Variants in CEP162 observed in about 807,000 individuals in gnomAD.
CEP162 encodes centrosomal protein of 162 kDa.
A neutral mutation model predicts 169.2 loss-of-function variants in CEP162; 141 were observed. The observed-to-expected ratio is 0.83, with a 90% CI of 0.73 to 0.96. The LOEUF is 0.96. Among genes scored for constraint, CEP162 ranks in the 40% least tolerant of loss-of-function variants. CEP162 has a pLI of 0.00. For missense variants in CEP162, 1,600 were observed against 1,587.2 expected, an observed-to-expected ratio of 1.01 and a Z score of -0.14; for synonymous variants, 540 against 526.4, an observed-to-expected ratio of 1.03 and a Z score of -0.35.
intron 8 of CEP162, 131 bp downstream of exon 8, chr6:84,201,606 A>C: frequency 1.7e-6 from 1 of 581,196 alleles, no homozygotes; most frequent in Non-Finnish European, 3.1e-6. Flanking sequence ...TATTGAGAAA[A>C]GCTAGGAACT....
At chr6:84,151,628 A>G (rs2099521153) in intron 23 of CEP162, among the ~76,000 whole-genome samples, 1 of 152,154 alleles carries the variant, frequency 6.6e-6, no homozygotes, top group Non-Finnish European at 1.5e-5. Context: ...ACAGAGAAAG[A>G]ACAGAGAATA....
intron 7 of CEP162, among the ~76,000 whole-genome samples, chr6:84,202,525 T>C (rs1179105270): frequency 1.6e-5 from 2 of 121,396 alleles, no homozygotes; most frequent in African/African-American, 6.2e-5. Context: ...TTTCTTTTTT[T>C]TTTTTTTTTT....
chr6:84,207,647 C>T (rs1380463013), intron 6 of CEP162, among the ~76,000 whole-genome samples: 1 of 151,874 alleles, frequency 6.6e-6, no homozygotes, highest in African/African-American at 2.4e-5. Flanking sequence ...AGCACACCAA[C>T]ATGGCACATG....
chr6:84,205,444 T>A (rs893676451), intron 6 of CEP162, among the ~76,000 whole-genome samples: 1 of 152,146 alleles, frequency 6.6e-6, no homozygotes, highest in Non-Finnish European at 1.5e-5. Flanking sequence ...TAATCCAGCA[T>A]ATAAACAGAG....
intron 16 of CEP162, among the ~76,000 whole-genome samples, chr6:84,172,480 T>C (rs1182470360): frequency 6.6e-6 from 1 of 152,230 alleles, no homozygotes; most frequent in East Asian, 1.9e-4. Context: ...ATGTCTGGAA[T>C]AGTGCCTGGC....
At chr6:84,170,239 T>G (rs934893885) in intron 17 of CEP162, among the ~76,000 whole-genome samples, 2 of 151,770 alleles carry the variant, frequency 1.3e-5, no homozygotes, top group African/African-American at 2.4e-5. Context: ...CCGGGCATGG[T>G]GGCGGGTGCC....
Position 84,169,382 on chromosome 6 carries a change from C to T in CEP162, c.2331G>A (p.Glu777=). The change falls in exon 18 of 27, where the codon GAG becomes GAA. Residue 777 remains glutamate (E), a synonymous_variant. Transcript: ENST00000403245. ...CTGTAAAATTCTGATTTCTTGTGGG[C>T]TCTGAATCTTCAACTACTTGAGACA... ...RFLSQVVEDS[E]PTRNQNFTDL... 6.3e-7 allele frequency: 1 copy of T among 1,583,558 alleles called. No homozygotes were observed. Among genetic ancestry groups the T allele is most frequent in the Non-Finnish European group, 8.6e-7 (1 of 1,164,004 alleles).
At chr6:84,129,069 A>G (rs560969125) in intron 25 of CEP162, among the ~76,000 whole-genome samples, 6 of 152,056 alleles carry the variant, frequency 3.9e-5, no homozygotes, top group Non-Finnish European at 8.8e-5. Context: ...TATGTGCCAC[A>G]TTGTCTTTAT....
intron 24 of CEP162, among the ~76,000 whole-genome samples, chr6:84,147,615 A>C (rs1451607071): frequency 6.6e-6 from 1 of 152,132 alleles, no homozygotes; most frequent in Non-Finnish European, 1.5e-5. Context: ...TATCTAAATC[A>C]TTATATATCA....
rs1165864999 is a variant in CEP162, at chr6:84,204,207, G to T, written c.572-111C>A. 3.9e-5 allele frequency: 23 copies of T among 591,346 alleles called. No individual in the cohort carries two copies. The East Asian group carries it at 6.3e-4, about 16-fold the overall frequency. 36.6% of individuals were successfully genotyped at this position (591,346 alleles called of 1,614,324 possible). A position where few individuals can be genotyped will look rare whatever the true frequency, so the allele number is the denominator to read the frequency against. ...GAAGTCTGTATAAGAATAGTTTATT[G>T]AAATAGTAACATAAAGATGTCTTTA... On this transcript the variant is annotated intron_variant, in intron 6 of 26. Transcript: ENST00000403245.
Position 84,213,031 on chromosome 6 carries a change from AAAATATTT to A in CEP162, c.504-15_504-8del. 6.6e-7 allele frequency: 1 copy of A among 1,505,788 alleles called. No individual in the cohort carries two copies. Among genetic ancestry groups the A allele is most frequent in the African/African-American group, 1.4e-5 (1 of 72,340 alleles). The allele number at this position is 1,505,788 out of a possible 1,614,324, so 93.3% of individuals were successfully genotyped here. On this transcript the variant is annotated splice_polypyrimidine_tract_variant and splice_region_variant and intron_variant, in intron 5 of 26. Transcript: ENST00000403245. ...TTCTGCGTTGGCTTGATTACTGGAA[AAAATATTT>A]ATTTAATTTAGCATTACATGTTAAA...
intron 11 of CEP162, among the ~76,000 whole-genome samples, chr6:84,188,103 C>CAAAA (rs200434055): frequency 1.2e-5 from 1 of 80,580 alleles, no homozygotes; most frequent in African/African-American, 4.3e-5. Context: ...GACTCCGTCT[C>CAAAA]AAAAAAAAAA....
Position 84,134,223 on chromosome 6 carries a change from A to G in CEP162, c.3871-7711T>C, listed in dbSNP as rs138653520. Among the ~76,000 whole-genome samples the G allele has an allele frequency of 9.3e-3, 1,412 of 152,278 alleles. 16 individuals are homozygous for G. The highest frequency in any genetic ancestry group is 0.032 in the African/African-American group (1,336 of 41,562). ...GCCACTCCCCCCACCAAGCTTGAGC[A>G]TCCCAGGTCACTTCAGACAGCTATG... On this transcript the variant is annotated intron_variant, in intron 25 of 26. Transcript: ENST00000403245.
chr6:84,193,796 C>T (rs745920539), intron 10 of CEP162, 106 bp from the exon 11 acceptor site: 36 of 587,118 alleles, frequency 6.1e-5, no homozygotes, highest in Middle Eastern at 3.4e-4. Flanking sequence ...GTTAATAAAA[C>T]GGTACATGCA....
At chr6:84,138,088 T>C (rs1005529178) in intron 25 of CEP162, among the ~76,000 whole-genome samples, 1 of 152,210 alleles carries the variant, frequency 6.6e-6, no homozygotes, top group African/African-American at 2.4e-5. Context: ...TCATGGCCTA[T>C]AAAATGTTAA....
chr6:84,173,981 G>C, intron 16 of CEP162, 67 bp downstream of exon 16: 1 of 1,384,298 alleles, frequency 7.2e-7, no homozygotes, highest in Non-Finnish European at 1.0e-6. Context: ...CACTGTGCCT[G>C]GCCTGCCTTA....
rs760349157 is a variant in CEP162, at chr6:84,174,202, C to A, written c.2026-14G>T. On this transcript the variant is annotated splice_polypyrimidine_tract_variant and intron_variant, in intron 15 of 26. Transcript: ENST00000403245. ...AAAGCTGCTTAACTTGGAGAAATTGCAGAAATTGTTTTATTTGGGGAAGGA... is the reference window on the plus strand; with the variant it reads ...AAAGCTGCTTAACTTGGAGAAATTGAAGAAATTGTTTTATTTGGGGAAGGA... 32 of 1,589,818 alleles carry A rather than the reference C, an allele frequency of 2.0e-5. No homozygotes were observed. In the South Asian group the frequency reaches 3.4e-4, roughly 17 times the overall value.
chr6:84,156,560 A>C (rs1402166383), intron 21 of CEP162, among the ~76,000 whole-genome samples: 1 of 152,184 alleles, frequency 6.6e-6, no homozygotes, highest in Non-Finnish European at 1.5e-5. Context: ...TAGAAAGTTA[A>C]TAAACAGCAG....
At chr6:84,172,112 G>A (rs898592250) in intron 16 of CEP162, among the ~76,000 whole-genome samples, 14 of 148,688 alleles carry the variant, frequency 9.4e-5, no homozygotes, top group African/African-American at 3.4e-4. Flanking sequence ...CTCAAGAGAG[G>A]GGAAAAAAAA....
Sources: allele counts gnomAD v4.1 joint callset (sites outside exome capture counted in the v4.1 genomes callset), GRCh38; gene constraint gnomAD v4.1.1; transcripts MANE v1.5; gene names NCBI Gene and HGNC (gene_info 2026-07-23, HGNC 2026-07-21).